MIAT: variants seen among roughly 807,000 people sequenced by gnomAD.
MIAT encodes MI related novel mRNA.
At chr22:26,657,526 G>C (rs1433835788) in intron 2 of MIAT, 1 of 398,588 alleles carries the variant, frequency 2.5e-6, no homozygotes, top group Non-Finnish European at 4.4e-6. Context: ...ACCAGAGGGA[G>C]GGAGGCTGCG....
intron 2 of MIAT, among the ~76,000 whole-genome samples, chr22:26,647,582 G>C (rs1279925285): frequency 6.6e-6 from 1 of 152,170 alleles, no homozygotes; most frequent in Non-Finnish European, 1.5e-5. Context: ...GCCTGGGGTG[G>C]GAGCGTGCTG....
chr22:26,667,819 C>T (rs1930908833), intron 5 of MIAT: 1 of 182,562 alleles, frequency 5.5e-6, no homozygotes, highest in Non-Finnish European at 1.1e-5. Flanking sequence ...GCTGGGACTA[C>T]AGGTGCATGC....
intron 5 of MIAT, chr22:26,667,339 T>TGTGC (rs923686848): frequency 1.0e-4 from 28 of 278,178 alleles, no homozygotes; most frequent in African/African-American, 7.4e-4. Flanking sequence ...GAGCAGTGTG[T>TGTGC]GTGTGTGTGT....
chr22:26,670,945 C>T (rs1031966922), downstream of MIAT: 1 of 395,594 alleles, frequency 2.5e-6, no homozygotes, highest in African/African-American at 2.1e-5. Context: ...TTCCAGGAGC[C>T]AGGCCAGCTT....
At chr22:26,672,631 G>C, downstream of MIAT, 1 of 399,174 alleles carries the variant, frequency 2.5e-6, no homozygotes, top group Non-Finnish European at 4.4e-6. Context: ...TAAGTGACGG[G>C]GATAGAAGCT....
At chr22:26,675,485 T>A in exon 5 of MIAT, 2 of 398,678 alleles carry the variant, frequency 5.0e-6, no homozygotes, top group Non-Finnish European at 8.8e-6. Flanking sequence ...GAGTTTGCAA[T>A]GGCCTCTGGC....
intron 2 of MIAT, among the ~76,000 whole-genome samples, chr22:26,653,090 C>T (rs370083364): frequency 6.6e-6 from 1 of 152,288 alleles, no homozygotes; most frequent in South Asian, 2.1e-4. Context: ...AAAGGATGTC[C>T]AACCCTCCGT....
At chr22:26,671,098 G>C (rs918536879), downstream of MIAT, 63 of 398,620 alleles carry the variant, frequency 1.6e-4, no homozygotes, top group Middle Eastern at 1.3e-3. Flanking sequence ...GCGTGTGTCT[G>C]TCAGAGTGTA....
chr22:26,670,602 T>TTAAAAAA (rs367735721), downstream of MIAT: 367 of 310,288 alleles, frequency 1.2e-3, no homozygotes, highest in Middle Eastern at 1.6e-3. Flanking sequence ...CATTGCTCCT[T>TTAAAAAA]AAAAAAAAAA....
intron 2 of MIAT, chr22:26,658,470 A>G (rs1602358288): frequency 6.6e-6 from 1 of 152,164 alleles, no homozygotes; most frequent in African/African-American, 2.4e-5. Flanking sequence ...TGCATCTCCT[A>G]AAGGGTCTGA....
downstream of MIAT, chr22:26,672,710 G>A: frequency 2.5e-6 from 1 of 399,084 alleles, no homozygotes; most frequent in Non-Finnish European, 4.4e-6. Context: ...GCCCCTCACC[G>A]GAAATTAGCA....
At chr22:26,665,968 A>C in exon 4 of MIAT, 1 of 398,610 alleles carries the variant, frequency 2.5e-6, no homozygotes, top group Non-Finnish European at 4.4e-6. Context: ...TTCTCTTCTC[A>C]GTTTCAGCAC....
At chr22:26,648,513 G>T (rs1424589407) in intron 2 of MIAT, among the ~76,000 whole-genome samples, 1 of 151,868 alleles carries the variant, frequency 6.6e-6, no homozygotes, top group Non-Finnish European at 1.5e-5. Context: ...TACAGATGCT[G>T]GGGGAAACCA....
chr22:26,670,056 ATT>A (rs35523695), downstream of MIAT: 16 of 385,904 alleles, frequency 4.1e-5, no homozygotes, highest in Admixed American at 4.6e-5. Context: ...GGGTTTATCT[ATT>A]TTTTTTTTTT....
chr22:26,665,552 A>C, exon 4 of MIAT: 1 of 398,800 alleles, frequency 2.5e-6, no homozygotes. Context: ...TTCCTGGGAC[A>C]GAGGAGACAG....
intron 2 of MIAT, among the ~76,000 whole-genome samples, chr22:26,655,525 A>C (rs1930412196): frequency 6.6e-6 from 1 of 152,218 alleles, no homozygotes; most frequent in Admixed American, 6.5e-5. Context: ...AGGTGCCAGC[A>C]ACTGTGCTAA....
downstream of MIAT, chr22:26,674,415 C>A (rs554306012): frequency 2.5e-6 from 1 of 398,834 alleles, no homozygotes; most frequent in South Asian, 1.3e-4. Flanking sequence ...TAGTCAGAGT[C>A]TGCAGGAGAA....
At chr22:26,650,187 T>C (rs1930312175) in intron 2 of MIAT, 1 of 152,158 alleles carries the variant, frequency 6.6e-6, no homozygotes, top group Non-Finnish European at 1.5e-5. Flanking sequence ...ACAGGACCAA[T>C]GTCCTTATGA....
At chr22:26,656,471 C>T (rs573498988) in intron 2 of MIAT, among the ~76,000 whole-genome samples, 1 of 150,638 alleles carries the variant, frequency 6.6e-6, no homozygotes, top group Non-Finnish European at 1.5e-5. Flanking sequence ...ATTACAGGCA[C>T]CCGCCACCAC....
Sources: gnomAD v4.1 joint callset for allele counts (sites outside exome capture counted in the v4.1 genomes callset) on GRCh38, gnomAD v4.1.1 for gene constraint, MANE v1.5 for transcripts, NCBI Gene and HGNC (gene_info 2026-07-23, HGNC 2026-07-21) for gene names.